PLPPR5: variants seen among roughly 807,000 people sequenced by gnomAD.
The protein encoded by PLPPR5 is phospholipid phosphatase related 5, also known as phospholipid phosphatase-related protein type 5.
In PLPPR5, 16 loss-of-function variants were observed where a neutral mutation model predicts 33.9. The ratio of observed to expected loss-of-function variants is 0.47; its 90% CI spans 0.32 to 0.72. PLPPR5 has a LOEUF of 0.72. Among genes scored for constraint, PLPPR5 ranks in the 30% least tolerant of loss-of-function variants. The pLI is 0.03. For synonymous variants in PLPPR5, 163 were observed against 150.3 expected, an observed-to-expected ratio of 1.08 and a Z score of -0.62; for missense variants, 301 against 406.7, an observed-to-expected ratio of 0.74 and a Z score of 2.23.
At chr1:98,919,941 C>T (rs1405910116) in intron 4 of PLPPR5, among the ~76,000 whole-genome samples, 1 of 152,048 alleles carries the variant, frequency 6.6e-6, no homozygotes, top group Non-Finnish European at 1.5e-5. Context: ...AAATAACACA[C>T]CTATAGGCAT....
chr1:98,942,594 T>C (rs761872091), intron 3 of PLPPR5, among the ~76,000 whole-genome samples: 14 of 152,184 alleles, frequency 9.2e-5, no homozygotes, highest in Non-Finnish European at 1.9e-4. Flanking sequence ...TTTCCACCTC[T>C]AGTGCACTGG....
chr1:98,970,527 T>G (rs961449732), intron 1 of PLPPR5, among the ~76,000 whole-genome samples: 1 of 151,704 alleles, frequency 6.6e-6, no homozygotes, highest in Non-Finnish European at 1.5e-5. Flanking sequence ...TGTATATTTA[T>G]TATATAAATT....
intron 4 of PLPPR5, among the ~76,000 whole-genome samples, chr1:98,919,018 G>A (rs367888007): frequency 2.6e-5 from 4 of 152,106 alleles, no homozygotes; most frequent in African/African-American, 9.6e-5. Flanking sequence ...TGCTCCATAT[G>A]GTATACTGCA....
chr1:98,978,979 C>T (rs963106768), intron 1 of PLPPR5, among the ~76,000 whole-genome samples: 3 of 151,930 alleles, frequency 2.0e-5, no homozygotes, highest in African/African-American at 7.2e-5. Flanking sequence ...GTTGCTAAAA[C>T]GCATGTTCTC....
chr1:98,908,290 A>G (rs144474618), intron 5 of PLPPR5, among the ~76,000 whole-genome samples: 254 of 152,276 alleles, frequency 1.7e-3, no homozygotes, highest in African/African-American at 6.0e-3. Flanking sequence ...AACTGGATTT[A>G]TTTATACCAT....
intron 1 of PLPPR5, among the ~76,000 whole-genome samples, chr1:98,965,471 T>G (rs1651409960): frequency 6.6e-6 from 1 of 152,228 alleles, no homozygotes; most frequent in South Asian, 2.1e-4. Flanking sequence ...ACAGGTCTGG[T>G]ATCTAGCCCT....
At position 98,947,319 on chromosome 1, in the gene PLPPR5, T is replaced by C. The variant is rs61784623; in HGVS notation, c.621+5751A>G. Among the ~76,000 whole-genome samples the C allele has an allele frequency of 1.8e-3, 276 of 152,320 alleles. 3 individuals are homozygous for C. Among genetic ancestry groups the C allele is most frequent in the Middle Eastern group, 3.4e-3 (1 of 294 alleles). ...GTTGAAGACATGGGAATTTCTGTGA[T>C]GTGACTGAAGAACCAGAAAACCATT... On this transcript the variant is annotated intron_variant, in intron 3 of 5. Coordinates refer to ENST00000263177, the MANE Select transcript of PLPPR5 (RefSeq NM_001037317.2).
chr1:98,980,713 T>C (rs1247703103), intron 1 of PLPPR5, among the ~76,000 whole-genome samples: 4 of 152,050 alleles, frequency 2.6e-5, no homozygotes, highest in Admixed American at 6.6e-5. Flanking sequence ...AGTGAGAAGA[T>C]TGAAGACATG....
At chr1:98,960,483 C>T (rs1036038725) in intron 1 of PLPPR5, among the ~76,000 whole-genome samples, 1 of 152,142 alleles carries the variant, frequency 6.6e-6, no homozygotes, top group Admixed American at 6.5e-5. Context: ...GGATTACAGG[C>T]ACGAGCTACC....
intron 5 of PLPPR5, among the ~76,000 whole-genome samples, chr1:98,903,208 C>T (rs764048375): frequency 6.6e-6 from 1 of 151,918 alleles, no homozygotes; most frequent in Non-Finnish European, 1.5e-5. Context: ...TTAATAAATG[C>T]TCAAAGCCTA....
At chr1:98,946,067 C>G (rs1650537710) in intron 3 of PLPPR5, among the ~76,000 whole-genome samples, 1 of 152,134 alleles carries the variant, frequency 6.6e-6, no homozygotes, top group South Asian at 2.1e-4. Flanking sequence ...TATAAGGGCT[C>G]TCAATCTTAA....
intron 1 of PLPPR5, among the ~76,000 whole-genome samples, chr1:98,968,586 T>A (rs6577269): frequency 0.19 from 28,282 of 151,876 alleles, 2,694 homozygotes; most frequent in East Asian, 0.26. Context: ...GGAAAAAAAA[T>A]TCTGGTGAAA....
At chr1:98,922,092 G>C in intron 3 of PLPPR5, 34 bp from the exon 4 acceptor site, 1 of 1,595,696 alleles carries the variant, frequency 6.3e-7, no homozygotes, top group Non-Finnish European at 8.6e-7. Flanking sequence ...GACTTTTCAT[G>C]AAGGTATTTC....
At chr1:98,956,561 CAT>C (rs1651007489) in intron 2 of PLPPR5, 46 bp downstream of exon 2, 2 of 1,498,980 alleles carry the variant, frequency 1.3e-6, no homozygotes, top group Admixed American at 2.6e-5. Context: ...TTAGCTTACA[CAT>C]AGACACTGTT....
intron 3 of PLPPR5, among the ~76,000 whole-genome samples, chr1:98,935,973 T>A (rs764166814): frequency 1.2e-4 from 18 of 151,864 alleles, no homozygotes; most frequent in Non-Finnish European, 2.4e-4. Flanking sequence ...TGCACCTGGG[T>A]TTACTGGCTG....
intron 3 of PLPPR5, among the ~76,000 whole-genome samples, chr1:98,945,349 G>A (rs1011803585): frequency 7.2e-5 from 11 of 152,178 alleles, no homozygotes; most frequent in South Asian, 2.1e-4. Context: ...GAGCACACAC[G>A]TTTTCAACTA....
chr1:98,914,679 A>T, intron 5 of PLPPR5, 107 bp downstream of exon 5: 1 of 998,838 alleles, frequency 1.0e-6, no homozygotes, highest in Non-Finnish European at 1.4e-6. Context: ...ATCACATTAC[A>T]CTAAGTAAAT....
chr1:99,004,646 G>A lies in PLPPR5; in HGVS notation c.26C>T (p.Thr9Ile), dbSNP rs770795047. The change falls in exon 1 of 6, where the codon ACC becomes ATC. Residue 9 changes from threonine (T) to isoleucine (I), a missense_variant. Coordinates refer to ENST00000263177, the MANE Select transcript of PLPPR5 (RefSeq NM_001037317.2). ...CATCTGGAAATAGAGCATGCTGCTG[G>A]TGAGCGCCGCGGGCAGCAGGGGCAT... MPLLPAALTSSMLYFQMVI... is the reference protein window; with the variant it reads MPLLPAALISSMLYFQMVI... 2 of 1,611,938 alleles carry A rather than the reference G, an allele frequency of 1.2e-6. No homozygotes were observed. Among genetic ancestry groups the A allele is most frequent in the African/African-American group, 1.3e-5 (1 of 74,846 alleles).
At chr1:98,908,311 A>T (rs1648980914) in intron 5 of PLPPR5, among the ~76,000 whole-genome samples, 1 of 152,176 alleles carries the variant, frequency 6.6e-6, no homozygotes, top group Admixed American at 6.5e-5. Flanking sequence ...ATCTAGTCAA[A>T]ATGCCAAAAA....
Sources: allele counts gnomAD v4.1 joint callset (sites outside exome capture counted in the v4.1 genomes callset), GRCh38; gene constraint gnomAD v4.1.1; transcripts MANE v1.5; gene names NCBI Gene and HGNC (gene_info 2026-07-23, HGNC 2026-07-21).